Variants in DDHD1 observed in about 807,000 individuals in gnomAD.
The protein encoded by DDHD1 is phospholipase DDHD1.
A neutral mutation model predicts 96.4 loss-of-function variants in DDHD1; 49 were observed. The ratio of observed to expected loss-of-function variants is 0.51; its 90% CI spans 0.40 to 0.64. The LOEUF is 0.64. Ranked by LOEUF, DDHD1 falls within the 30% of genes least tolerant of loss-of-function variation. The pLI is 0.00. For synonymous variants in DDHD1, 442 were observed against 446.5 expected, an observed-to-expected ratio of 0.99 and a Z score of 0.13; for missense variants, 1,106 against 1,161.2, an observed-to-expected ratio of 0.95 and a Z score of 0.69.
At chr14:53,109,406 A>G (rs1047610071) in intron 1 of DDHD1, among the ~76,000 whole-genome samples, 17 of 150,388 alleles carry the variant, frequency 1.1e-4, no homozygotes, top group Admixed American at 5.3e-4. Flanking sequence ...CCCTTCTCCT[A>G]TTTTCTCAGT....
chr14:53,073,687 A>T lies in DDHD1; in HGVS notation c.1396+54T>A. 2.7e-6 allele frequency: 4 copies of T among 1,467,476 alleles called. No homozygotes were observed. In the South Asian group the frequency reaches 5.0e-5, roughly 18 times the overall value. 90.9% of individuals were successfully genotyped at this position (1,467,476 alleles called of 1,614,324 possible). A position where few individuals can be genotyped will look rare whatever the true frequency, so the allele number is the denominator to read the frequency against. ...GTGTTTTCTAAAACTTTCTGCATTT[A>T]TTTTGGTAAAAGTTTGCCATTGGCT... is the stretch of plus-strand genomic sequence containing the variant. On this transcript the variant is annotated intron_variant, in intron 5 of 12. Coordinates refer to ENST00000673822, the MANE Select transcript of DDHD1 (RefSeq NM_001160148.2).
At chr14:53,077,264 G>C (rs974275607) in intron 4 of DDHD1, among the ~76,000 whole-genome samples, 1 of 152,120 alleles carries the variant, frequency 6.6e-6, no homozygotes, top group Admixed American at 6.6e-5. Context: ...AGTTACTGAT[G>C]ATCATTGTTT....
chr14:53,091,749 A>G, intron 4 of DDHD1, 36 bp downstream of exon 4: 1 of 1,600,056 alleles, frequency 6.2e-7, no homozygotes, highest in Non-Finnish European at 8.5e-7. Context: ...TTTGGATTCT[A>G]GATTAGATAT....
intron 11 of DDHD1, chr14:53,054,180 T>C (rs1882842356): frequency 2.7e-6 from 1 of 373,744 alleles, no homozygotes; most frequent in Non-Finnish European, 4.8e-6. Context: ...TGTTTTATGC[T>C]TGATGGTTAA....
chr14:53,085,737 C>T (rs191179229), intron 4 of DDHD1, among the ~76,000 whole-genome samples: 2 of 152,278 alleles, frequency 1.3e-5, no homozygotes, highest in East Asian at 1.9e-4. Context: ...CAGAGCACCT[C>T]GTCTCCTCCA....
chr14:53,069,188 G>A (rs1435498775), intron 6 of DDHD1, among the ~76,000 whole-genome samples: 1 of 152,120 alleles, frequency 6.6e-6, no homozygotes, highest in Admixed American at 6.5e-5. Context: ...CCCAGCCCCA[G>A]AATCAGCCAT....
Position 53,040,260 on chromosome 14 carries a change from T to C in DDHD1, c.*6508A>G, listed in dbSNP as rs1476808197. On this transcript the variant is annotated 3_prime_UTR_variant, in exon 13 of 13. Transcript: ENST00000673822. ...CAGAATATGCCTGTCTTTTCTAATA[T>C]ATAAGTGTACTTTATCCTCTGATGT... The C allele has an allele frequency of 2.0e-5, 3 of 152,190 alleles. No individual in the cohort carries two copies. Among genetic ancestry groups the C allele is most frequent in the South Asian group, 2.1e-4 (1 of 4,826 alleles). The allele number at this position is 152,190 out of a possible 1,614,324, so 9.4% of individuals were successfully genotyped here. A position where few individuals can be genotyped will look rare whatever the true frequency, so the allele number is the denominator to read the frequency against.
intron 7 of DDHD1, among the ~76,000 whole-genome samples, chr14:53,062,670 A>G (rs1418138878): frequency 1.3e-5 from 2 of 152,208 alleles, no homozygotes; most frequent in Admixed American, 6.5e-5. Context: ...TAAGCTTGGA[A>G]TAAGTTTTAA....
chr14:53,082,823 T>G lies in DDHD1; in HGVS notation c.1289+8962A>C, dbSNP rs142026467. Among the ~76,000 whole-genome samples the G allele has an allele frequency of 1.1e-3, 171 of 149,702 alleles. 1 individual carries two copies. Among genetic ancestry groups the G allele is most frequent in the African/African-American group, 3.6e-3 (148 of 40,848 alleles). ...TCCAATGCTGCAGTGCACTGGCAACTCACAGGTAGGATCATAGCACACCAC... is the reference window on the plus strand; with the variant it reads ...TCCAATGCTGCAGTGCACTGGCAACGCACAGGTAGGATCATAGCACACCAC... On this transcript the variant is annotated intron_variant, in intron 4 of 12. Coordinates refer to ENST00000673822, the MANE Select transcript of DDHD1 (RefSeq NM_001160148.2).
chr14:53,143,702 T>A (rs1890797021), intron 1 of DDHD1, among the ~76,000 whole-genome samples: 2 of 152,216 alleles, frequency 1.3e-5, no homozygotes, highest in Non-Finnish European at 2.9e-5. Context: ...AGGAACAGGC[T>A]ATGACTTAAT....
At chr14:53,066,759 G>C (rs1024824055) in intron 6 of DDHD1, among the ~76,000 whole-genome samples, 3 of 152,040 alleles carry the variant, frequency 2.0e-5, no homozygotes, top group African/African-American at 7.2e-5. Flanking sequence ...TTGAAGTCAG[G>C]AGTTCAAGAC....
intron 1 of DDHD1, among the ~76,000 whole-genome samples, chr14:53,105,564 TTTTTG>T (rs1887626534): frequency 6.6e-6 from 1 of 152,154 alleles, no homozygotes; most frequent in South Asian, 2.1e-4. Context: ...TACTGAATAG[TTTTTG>T]CCTGGATTCT....
At chr14:53,106,685 C>T (rs1212766532) in intron 1 of DDHD1, among the ~76,000 whole-genome samples, 2 of 152,094 alleles carry the variant, frequency 1.3e-5, no homozygotes, top group East Asian at 3.9e-4. Context: ...AATCTGATGT[C>T]AGCCTGATTT....
intron 1 of DDHD1, among the ~76,000 whole-genome samples, chr14:53,147,435 T>A (rs1891075438): frequency 6.6e-6 from 1 of 152,178 alleles, no homozygotes; most frequent in East Asian, 1.9e-4. Context: ...TTGCAAAACA[T>A]GCATTATAAC....
At chr14:53,103,543 G>T in intron 2 of DDHD1, 140 bp downstream of exon 2, 1 of 658,200 alleles carries the variant, frequency 1.5e-6, no homozygotes, top group Non-Finnish European at 2.4e-6. Context: ...TTAAATTCTA[G>T]AATAATCAAA....
At chr14:53,078,606 A>G (rs2184672) in intron 4 of DDHD1, among the ~76,000 whole-genome samples, 87,776 of 151,970 alleles carry the variant, frequency 0.58, 26,599 homozygotes, top group South Asian at 0.7. Context: ...TGTCCTTTGA[A>G]GAACAAAAGG....
At chr14:53,106,459 G>C (rs1304437901) in intron 1 of DDHD1, among the ~76,000 whole-genome samples, 2 of 152,076 alleles carry the variant, frequency 1.3e-5, no homozygotes, top group Non-Finnish European at 2.9e-5. Context: ...AGGAGTTCAA[G>C]ACCAGCCTAG....
intron 1 of DDHD1, among the ~76,000 whole-genome samples, chr14:53,151,295 C>G (rs1891340773): frequency 6.6e-6 from 1 of 152,088 alleles, no homozygotes; most frequent in Admixed American, 6.5e-5. Context: ...GGGCATTGGG[C>G]CCACGAAAAT....
chr14:53,151,654 T>C (rs910257257), intron 1 of DDHD1, among the ~76,000 whole-genome samples: 6 of 152,220 alleles, frequency 3.9e-5, no homozygotes, highest in African/African-American at 1.4e-4. Flanking sequence ...CACAAAAATA[T>C]GTAAATGAGG....
Sources: gnomAD v4.1 joint callset for allele counts (sites outside exome capture counted in the v4.1 genomes callset) on GRCh38, gnomAD v4.1.1 for gene constraint, MANE v1.5 for transcripts, NCBI Gene and HGNC (gene_info 2026-07-23, HGNC 2026-07-21) for gene names.